The following KITLG variants were observed in gnomAD, a reference collection of about 807,000 sequenced individuals.
KITLG encodes the protein KIT ligand.
KITLG carries 13 observed loss-of-function variants against 34.1 expected under a neutral mutation model. The observed-to-expected ratio is 0.38, with a 90% CI of 0.25 to 0.61. The LOEUF (loss-of-function observed/expected upper bound fraction) is 0.61. Ranked by LOEUF, KITLG falls within the 20% of genes least tolerant of loss-of-function variation. KITLG has a pLI of 0.60. For missense variants in KITLG, 292 were observed against 318.9 expected (o/e 0.92, Z 0.64); for synonymous variants, 110 against 104.0 (o/e 1.06, Z -0.35).
intron 1 of KITLG, among the ~76,000 whole-genome samples, chr12:88,575,231 T>C (rs2120992934): frequency 6.6e-6 from 1 of 152,334 alleles, no homozygotes; most frequent in East Asian, 1.9e-4. Context: ...AAATTACTAC[T>C]ACTTATTATC....
intron 9 of KITLG, among the ~76,000 whole-genome samples, chr12:88,497,916 C>G (rs1364554999): frequency 6.6e-6 from 1 of 152,196 alleles, no homozygotes; most frequent in East Asian, 1.9e-4. Flanking sequence ...AAAAGAAAGA[C>G]TGTAATCTTG....
At chr12:88,532,788 C>T (rs1266762661) in intron 2 of KITLG, among the ~76,000 whole-genome samples, 1 of 152,132 alleles carries the variant, frequency 6.6e-6, no homozygotes, top group Non-Finnish European at 1.5e-5. Flanking sequence ...TGAATTTCAG[C>T]TTCCACCTGT....
intron 2 of KITLG, among the ~76,000 whole-genome samples, chr12:88,538,824 G>A (rs1269687267): frequency 6.6e-6 from 1 of 152,118 alleles, no homozygotes; most frequent in Non-Finnish European, 1.5e-5. Context: ...AATGAGCTCT[G>A]GTTTGGAGTG....
chr12:88,525,979 G>C (rs908216105), intron 3 of KITLG, among the ~76,000 whole-genome samples: 5 of 152,178 alleles, frequency 3.3e-5, no homozygotes, highest in African/African-American at 1.2e-4. Context: ...TGATTCTATG[G>C]GTAGAATTTG....
At chr12:88,542,711 T>A (rs180765770) in intron 2 of KITLG, among the ~76,000 whole-genome samples, 11 of 152,144 alleles carry the variant, frequency 7.2e-5, no homozygotes, top group African/African-American at 2.2e-4. Flanking sequence ...CATAAATAAC[T>A]TTTATGTAGA....
chr12:88,534,861 A>G (rs546223236), intron 2 of KITLG: 12 of 343,672 alleles, frequency 3.5e-5, no homozygotes, highest in Non-Finnish European at 6.1e-5. Flanking sequence ...TAGTCATTTT[A>G]TGTAAACCCT....
At chr12:88,521,296 G>T (rs1451895108) in intron 3 of KITLG, among the ~76,000 whole-genome samples, 1 of 152,108 alleles carries the variant, frequency 6.6e-6, no homozygotes, top group Non-Finnish European at 1.5e-5. Context: ...TGACTGGAAT[G>T]TCTAGCAGTT....
At chr12:88,562,690 C>T (rs977403694) in intron 1 of KITLG, among the ~76,000 whole-genome samples, 10 of 152,164 alleles carry the variant, frequency 6.6e-5, no homozygotes, top group Non-Finnish European at 1.0e-4. Context: ...TTTCTTTGTA[C>T]CTTTAATACT....
chr12:88,530,991 G>C (rs147195397), intron 3 of KITLG, among the ~76,000 whole-genome samples: 21 of 152,278 alleles, frequency 1.4e-4, no homozygotes, highest in Non-Finnish European at 2.2e-4. Flanking sequence ...AGTTTTGGTA[G>C]ATTATGGAAA....
chr12:88,533,356 G>A (rs971877392), intron 2 of KITLG, among the ~76,000 whole-genome samples: 2 of 152,072 alleles, frequency 1.3e-5, no homozygotes, highest in African/African-American at 2.4e-5. Context: ...ATGTCAAATG[G>A]TCATTTAGAA....
intron 6 of KITLG, among the ~76,000 whole-genome samples, chr12:88,508,764 C>T (rs981535790): frequency 6.6e-6 from 1 of 152,028 alleles, no homozygotes; most frequent in African/African-American, 2.4e-5. Context: ...CAAGTTGGAG[C>T]CCAATGTGAA....
intron 3 of KITLG, among the ~76,000 whole-genome samples, chr12:88,531,062 TA>T (rs1870065119): frequency 6.6e-6 from 1 of 152,176 alleles, no homozygotes; most frequent in African/African-American, 2.4e-5. Flanking sequence ...AGAAACACAG[TA>T]CAGTAGTTGA....
At chr12:88,527,340 C>G (rs11104923) in intron 3 of KITLG, among the ~76,000 whole-genome samples, 12,856 of 152,172 alleles carry the variant, frequency 0.084, 574 homozygotes, top group Non-Finnish European at 0.1. Context: ...AATAAATCCT[C>G]AGGTATCAAA....
chr12:88,522,988 G>T (rs894581300), intron 3 of KITLG, among the ~76,000 whole-genome samples: 8 of 152,112 alleles, frequency 5.3e-5, no homozygotes, highest in Admixed American at 5.2e-4. Flanking sequence ...AAACTATGAG[G>T]TTTCTAAGAA....
intron 2 of KITLG, chr12:88,534,555 C>T (rs562292944): frequency 6.7e-5 from 26 of 387,754 alleles, no homozygotes; most frequent in South Asian, 2.2e-4. Context: ...TTAGCAGAGA[C>T]GGGGTTTTGC....
chr12:88,564,992 T>C (rs1346401564), intron 1 of KITLG, among the ~76,000 whole-genome samples: 1 of 152,218 alleles, frequency 6.6e-6, no homozygotes, highest in East Asian at 1.9e-4. Context: ...CTTCTCCAAC[T>C]TTCTTCCTCC....
At chr12:88,580,232 A>G in intron 1 of KITLG, 32 bp downstream of exon 1, 2 of 1,599,196 alleles carry the variant, frequency 1.3e-6, no homozygotes, top group Non-Finnish European at 1.7e-6. Context: ...TTTCCTGGAG[A>G]GCCTGGGAGC....
intron 3 of KITLG, among the ~76,000 whole-genome samples, chr12:88,519,557 C>A (rs1869582376): frequency 6.6e-6 from 1 of 152,026 alleles, no homozygotes; most frequent in East Asian, 1.9e-4. Context: ...AGCTTTATTT[C>A]TCTATTTACC....
At chr12:88,516,154 T>C (rs1313436429) in intron 5 of KITLG, among the ~76,000 whole-genome samples, 180 bp downstream of exon 5, 5 of 151,912 alleles carry the variant, frequency 3.3e-5, no homozygotes, top group African/African-American at 1.2e-4. Context: ...AATATTGCTT[T>C]GGGTTAGAAA....
Sources: allele counts gnomAD v4.1 joint callset (sites outside exome capture counted in the v4.1 genomes callset), GRCh38; gene constraint gnomAD v4.1.1; transcripts MANE v1.5; gene names NCBI Gene and HGNC (gene_info 2026-07-23, HGNC 2026-07-21).